MEGF6: variants seen among roughly 807,000 people sequenced by gnomAD.
The protein encoded by MEGF6 is multiple epidermal growth factor-like domains protein 6.
MEGF6 carries 184 observed loss-of-function variants against 207.1 expected under a neutral mutation model. The ratio of observed to expected loss-of-function variants is 0.89; its 90% CI spans 0.79 to 1.00. MEGF6 has a LOEUF of 1.00. MEGF6 is among the 50% of genes least tolerant of loss of function. MEGF6 has a pLI of 0.00. For synonymous variants in MEGF6, 1,038 were observed against 910.0 expected (o/e 1.14, Z -2.53); for missense variants, 2,282 against 2,202.9 (o/e 1.04, Z -0.72).
At chr1:3,615,550 T>C (rs1160839871), upstream of MEGF6, among the ~76,000 whole-genome samples, 1 of 152,218 alleles carries the variant, frequency 6.6e-6, no homozygotes, top group Non-Finnish European at 1.5e-5. Context: ...CCAACTCCAC[T>C]TAGGAAGTAC....
At chr1:3,621,572 A>G in the MEGF6 span, among the ~76,000 whole-genome samples, 1 of 152,210 alleles carries the variant, frequency 6.6e-6, no homozygotes, top group Admixed American at 6.5e-5. Context: ...GTTATTTTAT[A>G]TATCTTATTA....
At position 3,512,136 on chromosome 1, in the gene MEGF6, G is replaced by A; in HGVS notation, c.854-8C>T. Reference sequence around the variant, plus strand: ...CGGCACATTCGTCCACATCTGGAGGGGAGAGACCACAGGGAGGGCTCAGAG... The same window carrying A: ...CGGCACATTCGTCCACATCTGGAGGAGAGAGACCACAGGGAGGGCTCAGAG... On this transcript the variant is annotated splice_polypyrimidine_tract_variant and splice_region_variant and intron_variant, in intron 7 of 36. Coordinates refer to ENST00000356575, the MANE Select transcript of MEGF6 (RefSeq NM_001409.4). The A allele has an allele frequency of 6.3e-7, 1 of 1,598,060 alleles. No individual in the cohort carries two copies. The highest frequency in any genetic ancestry group is 8.6e-7 in the Non-Finnish European group (1 of 1,169,276).
chr1:3,610,333 G>T (rs984226999), intron 1 of MEGF6, among the ~76,000 whole-genome samples: 3 of 152,218 alleles, frequency 2.0e-5, no homozygotes, highest in African/African-American at 7.2e-5. Context: ...GGGAGTGCTG[G>T]ACGGGAACAG....
intron 2 of MEGF6, among the ~76,000 whole-genome samples, chr1:3,597,319 C>A (rs550205869): frequency 2.0e-5 from 3 of 152,304 alleles, no homozygotes; most frequent in East Asian, 3.9e-4. Flanking sequence ...CCTCGGGAAG[C>A]CGCCCTGACG....
intron 14 of MEGF6, among the ~76,000 whole-genome samples, chr1:3,507,009 C>T (rs984703486): frequency 1.1e-4 from 16 of 152,290 alleles, no homozygotes; most frequent in Middle Eastern, 6.8e-3. Context: ...GGAATGAATA[C>T]GGGGGTTCCC....
chr1:3,493,514 T>C (rs1640464081), intron 34 of MEGF6: 1 of 551,242 alleles, frequency 1.8e-6, no homozygotes, highest in African/African-American at 1.9e-5. Context: ...CCCCCTCCCA[T>C]GACCATGGCC....
At chr1:3,559,043 A>G (rs1220682128) in intron 4 of MEGF6, among the ~76,000 whole-genome samples, 6 of 152,064 alleles carry the variant, frequency 3.9e-5, no homozygotes, top group East Asian at 1.9e-4. Flanking sequence ...AACAAACAAA[A>G]ATAAAAATGA....
chr1:3,488,525 A>G lies in MEGF6; in HGVS notation c.*2003T>C, dbSNP rs1640230168. 6.6e-6 allele frequency among the ~76,000 whole-genome samples: 1 copy of G among 152,212 alleles called. No individual in the cohort carries two copies. On this transcript the variant is annotated 3_prime_UTR_variant, in exon 37 of 37. Transcript: ENST00000356575. Reference sequence around the variant, plus strand: ...GGCTTCTTTCTCTTCTGGCTGGAGAACGTCTCTAAGAGCATTTTAAAATCA... The same window carrying G: ...GGCTTCTTTCTCTTCTGGCTGGAGAGCGTCTCTAAGAGCATTTTAAAATCA...
At chr1:3,572,811 T>A (rs1210922366) in intron 4 of MEGF6, among the ~76,000 whole-genome samples, 1 of 129,718 alleles carries the variant, frequency 7.7e-6, no homozygotes, top group East Asian at 2.7e-4. Context: ...GGGTCCTCCC[T>A]GTGTGTGCTG....
intron 4 of MEGF6, among the ~76,000 whole-genome samples, chr1:3,549,327 A>G (rs562271543): frequency 4.6e-5 from 7 of 152,228 alleles, no homozygotes; most frequent in African/African-American, 1.7e-4. Flanking sequence ...TTGGGCTGGA[A>G]CTCTGGGCAC....
chr1:3,501,944 C>A, intron 17 of MEGF6, 23 bp from the exon 18 acceptor site: 2 of 1,561,464 alleles, frequency 1.3e-6, no homozygotes, highest in South Asian at 1.1e-5. Flanking sequence ...GCACGAGGGG[C>A]CTTAGCCGCA....
Position 3,556,766 on chromosome 1 carries a change from G to A in MEGF6, c.481+23059C>T, listed in dbSNP as rs1643042879. On this transcript the variant is annotated intron_variant, in intron 4 of 36. Transcript: ENST00000356575. This position sits in a 1 kb window ranked among gnomAD's most constrained non-coding sequence, Gnocchi z 4.4. Reference sequence around the variant, plus strand: ...GAAGAGGCTCCAGTGAAAACACAAGGATGCAGGTACTTCACGTCCCTGTCC... The same window carrying A: ...GAAGAGGCTCCAGTGAAAACACAAGAATGCAGGTACTTCACGTCCCTGTCC... 6.6e-6 allele frequency among the ~76,000 whole-genome samples: 1 copy of A among 152,156 alleles called. No homozygotes were observed. Among genetic ancestry groups the A allele is most frequent in the South Asian group, 2.1e-4 (1 of 4,836 alleles).
At chr1:3,618,055 C>T in the MEGF6 span, among the ~76,000 whole-genome samples, 2 of 152,256 alleles carry the variant, frequency 1.3e-5, no homozygotes, top group East Asian at 1.9e-4. The surrounding 1 kb of genome is among the most constrained non-coding windows in gnomAD (Gnocchi z 4.7). Flanking sequence ...ACCCTGCAGG[C>T]CCCTGGCCCC....
At chr1:3,623,615 C>T in the MEGF6 span, 17 of 152,258 alleles carry the variant, frequency 1.1e-4, no homozygotes, top group African/African-American at 4.1e-4. Flanking sequence ...GTAGTGCACC[C>T]GCTGTGGTGC....
chr1:3,519,111 T>C (rs1282473935), intron 5 of MEGF6, among the ~76,000 whole-genome samples: 4 of 152,030 alleles, frequency 2.6e-5, no homozygotes, highest in African/African-American at 9.7e-5. Flanking sequence ...GCCACCCCCC[T>C]TCCATGGACC....
Position 3,563,960 on chromosome 1 carries a change from C to T in MEGF6, c.481+15865G>A, listed in dbSNP as rs1226079558. Among the ~76,000 whole-genome samples the T allele has an allele frequency of 3.3e-5, 5 of 152,338 alleles. No individual in the cohort carries two copies. The Middle Eastern group carries it at 0.014, about 415-fold the overall frequency. On this transcript the variant is annotated intron_variant, in intron 4 of 36. Coordinates refer to ENST00000356575, the MANE Select transcript of MEGF6 (RefSeq NM_001409.4). ...GAGGGCACTTGTCCTGCCAGGCCAG[C>T]CCCTCCTGGGCATAGGCACAAACAG...
intron 2 of MEGF6, among the ~76,000 whole-genome samples, chr1:3,599,739 C>T (rs910409352): frequency 6.6e-6 from 1 of 152,020 alleles, no homozygotes; most frequent in African/African-American, 2.4e-5. Context: ...GTGCGTGGTG[C>T]CCTGCCGGCC....
upstream of MEGF6, among the ~76,000 whole-genome samples, chr1:3,613,679 G>A (rs367832317): frequency 6.6e-6 from 1 of 152,170 alleles, no homozygotes; most frequent in African/African-American, 2.4e-5. Context: ...GTTTCAAGCA[G>A]CCTGAAACGT....
chr1:3,606,027 G>C (rs1644245921), intron 1 of MEGF6, among the ~76,000 whole-genome samples: 1 of 152,196 alleles, frequency 6.6e-6, no homozygotes, highest in African/African-American at 2.4e-5. Flanking sequence ...CTGTCCCCCT[G>C]AAACTTCAAA....
Sources: allele counts gnomAD v4.1 joint callset (sites outside exome capture counted in the v4.1 genomes callset), GRCh38; gene constraint gnomAD v4.1.1; non-coding constraint Gnocchi (gnomAD v3.1); transcripts MANE v1.5; gene names NCBI Gene and HGNC (gene_info 2026-07-23, HGNC 2026-07-21).